Variants in PPT1 observed in about 807,000 individuals in gnomAD.
PPT1 encodes palmitoyl-protein thioesterase 1, also known as ceroid-palmitoyl-palmitoyl-protein thioesterase 1.
PPT1 carries 24 observed loss-of-function variants against 44.0 expected under a neutral mutation model. The observed-to-expected ratio is 0.54, with a 90% CI of 0.39 to 0.77. PPT1 has a LOEUF of 0.77. PPT1 is among the 30% of genes least tolerant of loss of function. The probability of loss-of-function intolerance (pLI) is 0.00; values close to 1 mark genes in which losing one functional copy is unlikely to be tolerated. For synonymous variants in PPT1, 148 were observed against 140.2 expected (o/e 1.06, Z -0.39); for missense variants, 341 against 378.8 (o/e 0.90, Z 0.83).
Position 40,072,973 on chromosome 1 carries a change from C to G in PPT1, c.*1088G>C, listed in dbSNP as rs1057515481. 6.6e-6 allele frequency: 1 copy of G among 152,156 alleles called. No individual in the cohort carries two copies. The highest frequency in any genetic ancestry group is 2.4e-5 in the African/African-American group (1 of 41,434). 9.4% of individuals were successfully genotyped at this position (152,156 alleles called of 1,614,324 possible). A position where few individuals can be genotyped will look rare whatever the true frequency, so the allele number is the denominator to read the frequency against. On this transcript the variant is annotated 3_prime_UTR_variant, in exon 9 of 9. Transcript: ENST00000642050. The stretch of plus-strand genomic sequence containing the variant: ...GAGTGGGGACTATGATTTCCATGCT[C>G]AAATAGTGTAGGAAATGGTAGATTA...
intron 7 of PPT1, among the ~76,000 whole-genome samples, chr1:40,077,208 A>G (rs2124470692): frequency 6.6e-6 from 1 of 152,382 alleles, no homozygotes; most frequent in Admixed American, 6.5e-5. Context: ...TTCAAGGATG[A>G]ATACATAATC....
chr1:40,096,363 T>G (rs7534236), intron 1 of PPT1, among the ~76,000 whole-genome samples: 3,345 of 152,226 alleles, frequency 0.022, 120 homozygotes, highest in African/African-American at 0.077. Flanking sequence ...CCCTACTGTA[T>G]CCTCAGCACC....
Position 40,078,448 on chromosome 1 carries a change from C to T in PPT1, c.726+112G>A, listed in dbSNP as rs532528977. ...AACTCCTGACCTCAGGTGATCCACC[C>T]GCCTTGGCCTCCCAGAGTGCTGGGA... On this transcript the variant is annotated intron_variant, in intron 7 of 8. Coordinates refer to ENST00000642050, the MANE Select transcript of PPT1 (RefSeq NM_000310.4). The T allele has an allele frequency of 2.2e-5, 23 of 1,061,932 alleles. 1 individual carries two copies. Among genetic ancestry groups the T allele is most frequent in the East Asian group, 5.3e-5 (2 of 37,878 alleles). The allele number at this position is 1,061,932 out of a possible 1,614,324, so 65.8% of individuals were successfully genotyped here.
chr1:40,090,113 C>A (rs1353893869), intron 4 of PPT1, among the ~76,000 whole-genome samples: 1 of 152,164 alleles, frequency 6.6e-6, no homozygotes, highest in Non-Finnish European at 1.5e-5. Context: ...AGCACTACAA[C>A]CACTAGTGTG....
chr1:40,089,548 T>G (rs750256850), intron 4 of PPT1, 36 bp from the exon 5 acceptor site: 31 of 1,470,616 alleles, frequency 2.1e-5, no homozygotes, highest in Non-Finnish European at 9.5e-7. Flanking sequence ...ACTCCTTCAA[T>G]AATGATGTAT....
Position 40,080,496 on chromosome 1 carries a change from A to T in PPT1, c.537-9T>A. The T allele has an allele frequency of 6.2e-7, 1 of 1,612,584 alleles. No individual in the cohort carries two copies. The highest frequency in any genetic ancestry group is 2.2e-5 in the East Asian group (1 of 44,834). On this transcript the variant is annotated splice_polypyrimidine_tract_variant and intron_variant, in intron 5 of 8. Transcript: ENST00000642050. Reference sequence around the variant, plus strand: ...ATTCGGCTTGCACGAGGCTGTAGGAAAAAAAAAGAATGAGGTGATCAAGCT... The same window carrying T: ...ATTCGGCTTGCACGAGGCTGTAGGATAAAAAAAGAATGAGGTGATCAAGCT...
intron 4 of PPT1, among the ~76,000 whole-genome samples, chr1:40,090,768 T>C (rs1649521912): frequency 6.6e-6 from 1 of 152,182 alleles, no homozygotes; most frequent in Non-Finnish European, 1.5e-5. Context: ...TAATAGTTAA[T>C]TGGGTGAGTC....
intron 1 of PPT1, chr1:40,094,106 T>A: frequency 6.6e-6 from 4 of 606,258 alleles, no homozygotes; most frequent in South Asian, 5.9e-5. Flanking sequence ...CACATTCCCT[T>A]CCCCTATCAC....
chr1:40,092,174 T>TA lies in PPT1; in HGVS notation c.235-3dup. ...CAAGAAGAAGCTGTTCTCCACGTCC[T>TA]AAAAAAGAAGCCAGAGAGAAGTGAG... On this transcript the variant is annotated splice_polypyrimidine_tract_variant and splice_region_variant and intron_variant, in intron 2 of 8. Transcript: ENST00000642050. 8 of 1,614,108 alleles carry TA rather than the reference T, an allele frequency of 5.0e-6. No individual in the cohort carries two copies. The highest frequency in any genetic ancestry group is 6.8e-6 in the Non-Finnish European group (8 of 1,179,984).
At chr1:40,097,053 T>C in intron 1 of PPT1, 62 bp downstream of exon 1, 2 of 1,613,664 alleles carry the variant, frequency 1.2e-6, no homozygotes, top group South Asian at 2.2e-5. Flanking sequence ...ATTTTGCAGA[T>C]GCGAACCCAG....
rs1239262260 is a variant in PPT1, at chr1:40,080,229, C to T, written c.627+168G>A. On this transcript the variant is annotated intron_variant, in intron 6 of 8. Transcript: ENST00000642050. Reference sequence around the variant, plus strand: ...AGAAAGGCAAATGAATTTCAACCTCCCTAAAGGGAACTGAATCTCAAAGGC... The same window carrying T: ...AGAAAGGCAAATGAATTTCAACCTCTCTAAAGGGAACTGAATCTCAAAGGC... Among the ~76,000 whole-genome samples the T allele has an allele frequency of 2.0e-5, 3 of 152,060 alleles. No individual in the cohort carries two copies. In the East Asian group the frequency reaches 5.8e-4, roughly 29 times the overall value.
downstream of PPT1, chr1:40,072,254 A>T: frequency 1.7e-5 from 4 of 231,100 alleles, no homozygotes; most frequent in Non-Finnish European, 2.2e-5. Flanking sequence ...TTTAAAAGGA[A>T]AAAAAAAAAA....
chr1:40,086,565 G>A (rs963806927), intron 5 of PPT1, among the ~76,000 whole-genome samples: 3 of 152,124 alleles, frequency 2.0e-5, no homozygotes, highest in East Asian at 1.9e-4. Flanking sequence ...TAGTAAGCAC[G>A]GTCCCACTTC....
intron 2 of PPT1, 24 bp from the exon 3 acceptor site, chr1:40,092,196 T>C: frequency 6.2e-7 from 1 of 1,613,950 alleles, no homozygotes; most frequent in Non-Finnish European, 8.5e-7. Context: ...CAGAGAGAAG[T>C]GAGAGGATGG....
intron 5 of PPT1, among the ~76,000 whole-genome samples, chr1:40,089,077 G>A (rs897859100): frequency 2.0e-5 from 3 of 151,888 alleles, no homozygotes; most frequent in East Asian, 1.9e-4. Flanking sequence ...ACCTGAGCTC[G>A]GGAAGTTGGA....
chr1:40,096,996 G>A, intron 1 of PPT1, 119 bp downstream of exon 1: 1 of 1,564,328 alleles, frequency 6.4e-7, no homozygotes. Context: ...CTAAAATGTC[G>A]AGGCAGCCGC....
chr1:40,080,799 C>T (rs926931359), intron 5 of PPT1, among the ~76,000 whole-genome samples: 5 of 152,026 alleles, frequency 3.3e-5, no homozygotes, highest in East Asian at 1.9e-4. Flanking sequence ...GCTAGAACCC[C>T]GGCGGCAGAG....
chr1:40,079,254 C>T (rs1045569508), intron 6 of PPT1, among the ~76,000 whole-genome samples: 1 of 152,076 alleles, frequency 6.6e-6, no homozygotes, highest in Non-Finnish European at 1.5e-5. Flanking sequence ...CTGATGGGCA[C>T]CTAGGTTGAT....
At chr1:40,091,843 C>CAACAAGAGA (rs1649579024) in intron 3 of PPT1, among the ~76,000 whole-genome samples, 1 of 128,052 alleles carries the variant, frequency 7.8e-6, no homozygotes, top group Admixed American at 8.6e-5. Flanking sequence ...CCAGCCTGGG[C>CAACAAGAGA]AACAAGAGAG....
Sources: gnomAD v4.1 joint callset for allele counts (sites outside exome capture counted in the v4.1 genomes callset) on GRCh38, gnomAD v4.1.1 for gene constraint, MANE v1.5 for transcripts, NCBI Gene and HGNC (gene_info 2026-07-23, HGNC 2026-07-21) for gene names.